The following C12orf56 variants were observed in gnomAD, a reference collection of about 807,000 sequenced individuals.
C12orf56 encodes the protein chromosome 12 open reading frame 56.
A neutral mutation model predicts 69.9 loss-of-function variants in C12orf56; 71 were observed. The observed-to-expected ratio is 1.02, with a 90% CI of 0.84 to 1.24. The LOEUF (loss-of-function observed/expected upper bound fraction) is 1.24. Ranked by LOEUF, C12orf56 falls within the 50% of genes most tolerant of loss-of-function variation. The pLI, the probability that C12orf56 is intolerant of heterozygous loss-of-function variation, is 0.00. For synonymous variants in C12orf56, 276 were observed against 274.1 expected, an observed-to-expected ratio of 1.01 and a Z score of -0.07; for missense variants, 732 against 738.5, an observed-to-expected ratio of 0.99 and a Z score of 0.10.
At chr12:64,356,630 A>G (rs1476995966) in intron 1 of C12orf56, among the ~76,000 whole-genome samples, 1 of 152,208 alleles carries the variant, frequency 6.6e-6, no homozygotes, top group Admixed American at 6.5e-5. Flanking sequence ...CAGGTAAGTC[A>G]GGACGGAGCA....
rs1248891678 is a variant in C12orf56, at chr12:64,312,686, G to T, written c.961C>A (p.Pro321Thr). The T allele has an allele frequency of 5.7e-5, 87 of 1,534,250 alleles. No individual in the cohort carries two copies. Among genetic ancestry groups the T allele is most frequent in the Non-Finnish European group, 7.6e-5 (87 of 1,144,340 alleles). ...TACATCATCACTTCTTACCTATATG[G>T]CTTTTGACTTCCAATAGCAGGACTG... ...EFSPAIGSQK[P>T]YRSEEKIKHF... is the part of the protein sequence containing the mutation. Residue 321 changes from proline to threonine, a missense_variant, in exon 5 of 13, where the codon CCA becomes ACA. Coordinates refer to ENST00000543942, the MANE Select transcript of C12orf56 (RefSeq NM_001170633.2).
chr12:64,367,398 C>T (rs912830257), intron 1 of C12orf56, among the ~76,000 whole-genome samples: 3 of 146,024 alleles, frequency 2.1e-5, no homozygotes, highest in Admixed American at 7.0e-5. Context: ...TATAAAGAAA[C>T]TAAAATACTA....
intron 2 of C12orf56, among the ~76,000 whole-genome samples, chr12:64,331,881 C>A (rs549982325): frequency 1.3e-5 from 2 of 151,920 alleles, no homozygotes; most frequent in African/African-American, 4.8e-5. Context: ...TTCTGTCTTT[C>A]CAGCCTCTCC....
At chr12:64,315,379 T>G (rs2038678742) in intron 4 of C12orf56, among the ~76,000 whole-genome samples, 1 of 151,928 alleles carries the variant, frequency 6.6e-6, no homozygotes, top group Non-Finnish European at 1.5e-5. Context: ...TCCAGAATTT[T>G]AATTTGGGGT....
intron 1 of C12orf56, among the ~76,000 whole-genome samples, chr12:64,386,959 G>A (rs929234477): frequency 6.6e-6 from 1 of 151,200 alleles, no homozygotes; most frequent in African/African-American, 2.4e-5. Flanking sequence ...CGTGCCTGTA[G>A]TCCCAGCTAC....
At chr12:64,315,536 G>A (rs1592446260) in intron 4 of C12orf56, among the ~76,000 whole-genome samples, 1 of 152,146 alleles carries the variant, frequency 6.6e-6, no homozygotes, top group East Asian at 1.9e-4. Flanking sequence ...GATTACTGAA[G>A]GAGGCTCAAC....
At position 64,270,680 on chromosome 12, in the gene C12orf56, A is replaced by G. The variant is rs758790191; in HGVS notation, c.1619T>C (p.Val540Ala). Reference protein sequence around the residue: ...TFVASIVKQVVRGLSASFQLL... With the variant: ...TFVASIVKQVARGLSASFQLL... ...CTGAAATGAAGCTGAAAGACCCCTC[A>G]CCACTTGTTTCACAATACTGGCCAC... Residue 540 changes from valine to alanine, a missense_variant, in exon 12 of 13, where the codon GTG becomes GCG. Coordinates refer to ENST00000543942, the MANE Select transcript of C12orf56 (RefSeq NM_001170633.2). 8 of 1,612,518 alleles carry G rather than the reference A, an allele frequency of 5.0e-6. No individual in the cohort carries two copies. The highest frequency in any genetic ancestry group is 6.8e-6 in the Non-Finnish European group (8 of 1,179,526).
At chr12:64,349,167 A>G (rs189219782) in intron 2 of C12orf56, among the ~76,000 whole-genome samples, 22 of 152,330 alleles carry the variant, frequency 1.4e-4, no homozygotes, top group Admixed American at 1.3e-3. Context: ...AACTCAAATG[A>G]ATTAGCAAGA....
At chr12:64,298,087 A>G (rs944952206) in intron 6 of C12orf56, among the ~76,000 whole-genome samples, 1 of 152,044 alleles carries the variant, frequency 6.6e-6, no homozygotes, top group Non-Finnish European at 1.5e-5. Flanking sequence ...TCTAACTGGC[A>G]TGAGATGGTA....
At chr12:64,341,577 G>A (rs2039074954) in intron 2 of C12orf56, among the ~76,000 whole-genome samples, 1 of 152,128 alleles carries the variant, frequency 6.6e-6, no homozygotes, top group Non-Finnish European at 1.5e-5. Flanking sequence ...TGAGTGCCTT[G>A]GTCAGAGGCA....
At position 64,338,184 on chromosome 12, in the gene C12orf56, C is replaced by T. The variant is rs1307334254; in HGVS notation, c.416-7152G>A. 5 of 582,166 alleles carry T rather than the reference C, an allele frequency of 8.6e-6. No homozygotes were observed. The East Asian group carries it at 1.9e-4, about 22-fold the overall frequency. 36.1% of individuals were successfully genotyped at this position (582,166 alleles called of 1,614,324 possible). A position where few individuals can be genotyped will look rare whatever the true frequency, so the allele number is the denominator to read the frequency against. The stretch of plus-strand genomic sequence containing the variant: ...ACCTCCCGAAGGCTTAGTCCAAAAA[C>T]TTCCTGTTGGCATTTGCCCTGAACA... On this transcript the variant is annotated intron_variant, in intron 2 of 12. Transcript: ENST00000543942.
At chr12:64,311,714 A>C (rs7976524) in intron 5 of C12orf56, among the ~76,000 whole-genome samples, 150,049 of 152,242 alleles carry the variant, frequency 0.99, 73,982 homozygotes, top group Middle Eastern at 1. Context: ...TGCTTGAGGA[A>C]AGAAAAATAA....
At chr12:64,300,188 G>C (rs1019449009) in intron 6 of C12orf56, among the ~76,000 whole-genome samples, 1 of 152,080 alleles carries the variant, frequency 6.6e-6, no homozygotes. Flanking sequence ...TCTAGAGAAA[G>C]CAAGCAGCAG....
Position 64,275,354 on chromosome 12 carries a change from C to T in C12orf56, c.1453G>A (p.Glu485Lys). ...FDAELQKLIL[E>K]YTNTATALLY... Reference sequence around the variant, plus strand: ...AGTGCTGTAGCAGTATTTGTATACTCCAGAATAAGCTTCTGTAACTAGAAT... The same window carrying T: ...AGTGCTGTAGCAGTATTTGTATACTTCAGAATAAGCTTCTGTAACTAGAAT... Residue 485 changes from glutamate (E) to lysine (K), a missense_variant, in exon 10 of 13, where the codon GAG (glutamate) becomes AAG (lysine). Transcript: ENST00000543942. The T allele has an allele frequency of 7.1e-7, 1 of 1,414,564 alleles. No individual in the cohort carries two copies. Among genetic ancestry groups the T allele is most frequent in the Non-Finnish European group, 9.4e-7 (1 of 1,065,452 alleles). The allele number at this position is 1,414,564 out of a possible 1,614,324, so 87.6% of individuals were successfully genotyped here. A position where few individuals can be genotyped will look rare whatever the true frequency, so the allele number is the denominator to read the frequency against.
chr12:64,338,829 C>A (rs1485909058), intron 2 of C12orf56: 2 of 949,110 alleles, frequency 2.1e-6, no homozygotes, highest in Non-Finnish European at 3.4e-6. Flanking sequence ...GCAGCAGGCT[C>A]GAGTTTAGGT....
chr12:64,298,884 G>A (rs1312286489), intron 6 of C12orf56, among the ~76,000 whole-genome samples: 1 of 152,162 alleles, frequency 6.6e-6, no homozygotes, highest in Non-Finnish European at 1.5e-5. Context: ...GGTTCCATAT[G>A]AACTTTAAAG....
chr12:64,385,811 C>A (rs2039781092), intron 1 of C12orf56, among the ~76,000 whole-genome samples: 1 of 152,162 alleles, frequency 6.6e-6, no homozygotes, highest in Non-Finnish European at 1.5e-5. Context: ...TCCTGCACAG[C>A]CTGCTCTGCA....
intron 1 of C12orf56, among the ~76,000 whole-genome samples, chr12:64,363,756 G>T (rs945165335): frequency 6.6e-6 from 1 of 152,172 alleles, no homozygotes; most frequent in Admixed American, 6.5e-5. Context: ...GACAGATCAT[G>T]ATGCGGTCGT....
At chr12:64,273,969 G>A (rs546949513) in intron 11 of C12orf56, among the ~76,000 whole-genome samples, 3 of 152,302 alleles carry the variant, frequency 2.0e-5, no homozygotes, top group Admixed American at 1.3e-4. Flanking sequence ...TGACACGGCA[G>A]AAGCAAATAA....
Sources: gnomAD v4.1 joint callset for allele counts (sites outside exome capture counted in the v4.1 genomes callset) on GRCh38, gnomAD v4.1.1 for gene constraint, MANE v1.5 for transcripts, NCBI Gene and HGNC (gene_info 2026-07-23, HGNC 2026-07-21) for gene names.